The following ESRP1 variants were observed in gnomAD, a reference collection of about 807,000 sequenced individuals.
ESRP1 encodes the protein epithelial splicing regulatory protein 1.
Under a neutral mutation model 81.7 loss-of-function variants are expected in ESRP1, and 33 were observed. The observed-to-expected ratio is 0.40, with a 90% CI of 0.31 to 0.54. ESRP1 has a LOEUF of 0.54. Ranked by LOEUF, ESRP1 falls within the 20% of genes least tolerant of loss-of-function variation. The probability of loss-of-function intolerance (pLI) is 0.41; values close to 1 mark genes in which losing one functional copy is unlikely to be tolerated. For synonymous variants in ESRP1, 320 were observed against 303.3 expected (o/e 1.06, Z -0.57); for missense variants, 672 against 833.1 (o/e 0.81, Z 2.38).
intron 14 of ESRP1, among the ~76,000 whole-genome samples, chr8:94,693,263 T>TG (rs1472087184): frequency 6.6e-6 from 1 of 152,016 alleles, no homozygotes; most frequent in Non-Finnish European, 1.5e-5. Flanking sequence ...CTGGATAACC[T>TG]GGAAAAAAAA....
chr8:94,691,207 C>G (rs983068302), intron 13 of ESRP1, among the ~76,000 whole-genome samples: 1 of 152,056 alleles, frequency 6.6e-6, no homozygotes, highest in Non-Finnish European at 1.5e-5. Context: ...CTGGGTTTGG[C>G]TCTCTTGAGT....
chr8:94,667,892 G>A (rs1819107865), intron 9 of ESRP1, 57 bp from the exon 10 acceptor site: 1 of 1,433,674 alleles, frequency 7.0e-7, no homozygotes, highest in Non-Finnish European at 9.4e-7. Flanking sequence ...TTTAAAATCG[G>A]TAAAGTTGAT....
chr8:94,688,059 G>T (rs1298190439), intron 13 of ESRP1, among the ~76,000 whole-genome samples: 1 of 152,182 alleles, frequency 6.6e-6, no homozygotes, highest in Non-Finnish European at 1.5e-5. Context: ...TTTGTATGGT[G>T]TGAGGTAGGG....
intron 15 of ESRP1, among the ~76,000 whole-genome samples, chr8:94,701,274 CAA>C (rs1165195392): frequency 3.2e-5 from 3 of 94,390 alleles, no homozygotes. Context: ...GACTCCATCT[CAA>C]AAAAAAAAAA....
chr8:94,706,712 CATT>C lies in ESRP1; in HGVS notation c.*827_*829del, dbSNP rs1810082539. The C allele has an allele frequency of 6.6e-6, 1 of 152,344 alleles. No homozygotes were observed. Among genetic ancestry groups the C allele is most frequent in the Non-Finnish European group, 1.5e-5 (1 of 67,976 alleles). 9.4% of individuals were successfully genotyped at this position (152,344 alleles called of 1,614,324 possible). ...GTATTATTTTATATTGTACTTTTTT[CATT>C]ATTGATGGTTTGGACTTTAATAAGA... On this transcript the variant is annotated 3_prime_UTR_variant, in exon 16 of 16. Coordinates refer to ENST00000433389, the MANE Select transcript of ESRP1 (RefSeq NM_017697.4).
intron 13 of ESRP1, among the ~76,000 whole-genome samples, chr8:94,689,993 A>G (rs1280790822): frequency 2.0e-5 from 3 of 150,406 alleles, no homozygotes; most frequent in Non-Finnish European, 1.5e-5. Flanking sequence ...ATTTTTTTGT[A>G]TTTTTTAGTA....
intron 12 of ESRP1, 129 bp from the exon 13 acceptor site, chr8:94,678,074 G>C: frequency 1.1e-6 from 1 of 938,956 alleles, no homozygotes; most frequent in Non-Finnish European, 1.6e-6. Context: ...AATTGCTTGG[G>C]ATAGGATAAA....
intron 4 of ESRP1, among the ~76,000 whole-genome samples, chr8:94,650,246 AT>A (rs1339290925): frequency 1.9e-5 from 2 of 102,736 alleles, no homozygotes; most frequent in African/African-American, 6.0e-5. Flanking sequence ...ATAGTATAGA[AT>A]TTTTTTGTTT....
chr8:94,672,567 C>T (rs551057296), intron 11 of ESRP1, among the ~76,000 whole-genome samples: 12 of 151,458 alleles, frequency 7.9e-5, no homozygotes, highest in Admixed American at 1.3e-4. Context: ...GAGTCTCACT[C>T]TGTCGTCCAG....
At chr8:94,705,868 T>C in intron 15 of ESRP1, 57 bp from the exon 16 acceptor site, 1 of 1,413,514 alleles carries the variant, frequency 7.1e-7, no homozygotes, top group Non-Finnish European at 9.5e-7. Flanking sequence ...CTGCTGAGAA[T>C]GACATTTAGA....
At chr8:94,682,565 C>A (rs1356504178) in intron 13 of ESRP1, among the ~76,000 whole-genome samples, 2 of 151,982 alleles carry the variant, frequency 1.3e-5, no homozygotes, top group Non-Finnish European at 2.9e-5. Flanking sequence ...CGGGGTCTCA[C>A]TTTGTTGCCC....
chr8:94,657,981 G>A (rs547830374), intron 4 of ESRP1, among the ~76,000 whole-genome samples: 1 of 152,248 alleles, frequency 6.6e-6, no homozygotes, highest in African/African-American at 2.4e-5. Context: ...CCATGATCTC[G>A]GTTCACTGCA....
At chr8:94,688,854 T>A (rs928993834) in intron 13 of ESRP1, among the ~76,000 whole-genome samples, 5 of 152,162 alleles carry the variant, frequency 3.3e-5, no homozygotes, top group Non-Finnish European at 4.4e-5. Context: ...TCCATATACA[T>A]TTTAGGTTCA....
intron 13 of ESRP1, among the ~76,000 whole-genome samples, chr8:94,684,714 T>G (rs1158786740): frequency 6.6e-6 from 1 of 152,202 alleles, no homozygotes; most frequent in Non-Finnish European, 1.5e-5. Flanking sequence ...ACTTAATCAA[T>G]TTCTCTAACC....
At chr8:94,681,956 T>C (rs1194980435) in intron 13 of ESRP1, among the ~76,000 whole-genome samples, 1 of 152,186 alleles carries the variant, frequency 6.6e-6, no homozygotes, top group Non-Finnish European at 1.5e-5. Flanking sequence ...TAAATGATGC[T>C]GTCACAACAG....
In ESRP1 at chr8:94,643,365, T is replaced by C. The variant is rs1301914373; in HGVS notation, c.324T>C (p.Thr108=). Residue 108 remains threonine, a synonymous_variant, in exon 3 of 16, where the codon ACT becomes ACC. Coordinates refer to ENST00000433389, the MANE Select transcript of ESRP1 (RefSeq NM_017697.4). ...IGVGTSFCLC[T]DGQLHVRQIL... ...TAGGGACTTCCTTCTGTCTCTGTACTGATGGGCAGCTTCATGTCAGGCAAA... is the reference window on the plus strand; with the variant it reads ...TAGGGACTTCCTTCTGTCTCTGTACCGATGGGCAGCTTCATGTCAGGCAAA... 10 of 1,613,832 alleles carry C rather than the reference T, an allele frequency of 6.2e-6. No homozygotes were observed. Among genetic ancestry groups the C allele is most frequent in the African/African-American group, 1.3e-5 (1 of 74,942 alleles).
chr8:94,657,457 T>C (rs1328727367), intron 4 of ESRP1, among the ~76,000 whole-genome samples: 1 of 142,072 alleles, frequency 7.0e-6, no homozygotes. Context: ...GAAACTGGCC[T>C]ATTGAGGCTG....
intron 4 of ESRP1, among the ~76,000 whole-genome samples, chr8:94,656,479 T>C (rs1205351267): frequency 1.3e-5 from 2 of 151,684 alleles, no homozygotes; most frequent in East Asian, 1.9e-4. Flanking sequence ...CCTTGGCCTC[T>C]CAAAGTGCTG....
At chr8:94,697,567 T>G (rs541108127) in intron 15 of ESRP1, among the ~76,000 whole-genome samples, 33 of 152,396 alleles carry the variant, frequency 2.2e-4, no homozygotes, top group Non-Finnish European at 4.1e-4. Context: ...AACATTTCAT[T>G]GCATGGACAT....
Sources: gnomAD v4.1 joint callset for allele counts (sites outside exome capture counted in the v4.1 genomes callset) on GRCh38, gnomAD v4.1.1 for gene constraint, MANE v1.5 for transcripts, NCBI Gene and HGNC (gene_info 2026-07-23, HGNC 2026-07-21) for gene names.